Variants in MACROD2 observed in about 807,000 individuals in gnomAD.
MACROD2 encodes ADP-ribose glycohydrolase MACROD2.
Under a neutral mutation model 70.4 loss-of-function variants are expected in MACROD2, and 36 were observed. The ratio of observed to expected loss-of-function variants is 0.51; its 90% confidence interval spans 0.39 to 0.68. MACROD2 has a LOEUF of 0.68. Ranked by LOEUF, MACROD2 falls within the 30% of genes least tolerant of loss-of-function variation. The probability of loss-of-function intolerance (pLI) is 0.00; values close to 1 mark genes in which losing one functional copy is unlikely to be tolerated. For missense variants in MACROD2, 496 were observed against 538.4 expected (o/e 0.92, Z 0.78); for synonymous variants, 172 against 178.8 (o/e 0.96, Z 0.30).
chr20:14,319,854 C>G (rs2082643519), intron 3 of MACROD2, among the ~76,000 whole-genome samples: 1 of 152,076 alleles, frequency 6.6e-6, no homozygotes. Context: ...TCCTTTGGCA[C>G]CTCTTTTCTC....
intron 4 of MACROD2, among the ~76,000 whole-genome samples, chr20:14,563,801 T>C (rs77245240): frequency 2.6e-5 from 4 of 151,950 alleles, no homozygotes; most frequent in African/African-American, 4.8e-5. Flanking sequence ...AGCTATGCAA[T>C]CCTATCAAAT....
At chr20:14,717,543 T>G (rs969923312) in intron 5 of MACROD2, among the ~76,000 whole-genome samples, 6 of 152,054 alleles carry the variant, frequency 3.9e-5, no homozygotes, top group African/African-American at 1.4e-4. Flanking sequence ...AGTTTTTTTT[T>G]TTTTTGGCTA....
chr20:15,065,861 A>G (rs1341060805), intron 5 of MACROD2, among the ~76,000 whole-genome samples: 1 of 152,156 alleles, frequency 6.6e-6, no homozygotes, highest in African/African-American at 2.4e-5. Flanking sequence ...CTTTTATATT[A>G]ATCAACTGTT....
chr20:14,637,182 C>T (rs545355045), intron 4 of MACROD2, among the ~76,000 whole-genome samples: 4 of 152,272 alleles, frequency 2.6e-5, no homozygotes, highest in Admixed American at 2.0e-4. Context: ...AACACTTTTG[C>T]AGCTGCCGTT....
chr20:15,874,050 G>T (rs539533797), intron 9 of MACROD2, among the ~76,000 whole-genome samples: 1 of 150,830 alleles, frequency 6.6e-6, no homozygotes, highest in African/African-American at 2.4e-5. Context: ...TTCTCCTAAC[G>T]CTATCCCTCC....
intron 4 of MACROD2, among the ~76,000 whole-genome samples, chr20:14,620,715 C>G (rs1377112126): frequency 1.3e-5 from 2 of 151,930 alleles, no homozygotes; most frequent in Non-Finnish European, 2.9e-5. Flanking sequence ...TTCTTTTCTG[C>G]TAGACAGAAA....
intron 7 of MACROD2, among the ~76,000 whole-genome samples, chr20:15,473,978 A>G (rs1014047459): frequency 6.6e-6 from 1 of 152,212 alleles, no homozygotes; most frequent in African/African-American, 2.4e-5. Flanking sequence ...CTAGATTTGA[A>G]TCCTGGCTCA....
intron 3 of MACROD2, among the ~76,000 whole-genome samples, chr20:14,422,578 T>A (rs1040173585): frequency 3.3e-5 from 5 of 152,302 alleles, no homozygotes; most frequent in Middle Eastern, 3.4e-3. Context: ...ATTCTACAGG[T>A]ATTTTTTTTG....
At chr20:16,038,271 CAGT>C (rs1462088764) in intron 15 of MACROD2, among the ~76,000 whole-genome samples, 5 of 151,716 alleles carry the variant, frequency 3.3e-5, no homozygotes, top group African/African-American at 1.2e-4. Flanking sequence ...AGTCTTGAAA[CAGT>C]GGTTTGAGAT....
chr20:14,180,471 A>T (rs1171775087), intron 3 of MACROD2, among the ~76,000 whole-genome samples: 5 of 152,116 alleles, frequency 3.3e-5, no homozygotes, highest in Non-Finnish European at 7.4e-5. Flanking sequence ...TATAATAAAG[A>T]GTATAATTGC....
At chr20:15,071,384 T>G (rs1255030485) in intron 5 of MACROD2, among the ~76,000 whole-genome samples, 1 of 152,206 alleles carries the variant, frequency 6.6e-6, no homozygotes, top group Admixed American at 6.5e-5. Flanking sequence ...GTTGCTCTCA[T>G]CTGTGATTTC....
intron 4 of MACROD2, among the ~76,000 whole-genome samples, chr20:14,668,851 A>C (rs371359404): frequency 6.6e-5 from 10 of 152,224 alleles, no homozygotes; most frequent in African/African-American, 2.4e-4. Context: ...TTTTTTTTAA[A>C]CAAAAAGGAG....
chr20:14,352,435 A>G (rs1316647821), intron 3 of MACROD2: 1 of 152,198 alleles, frequency 6.6e-6, no homozygotes, highest in African/African-American at 2.4e-5. Flanking sequence ...AAAAAGAAAA[A>G]AATACTCCTA....
intron 10 of MACROD2, among the ~76,000 whole-genome samples, chr20:15,904,998 C>A (rs977095232): frequency 6.6e-6 from 1 of 151,980 alleles, no homozygotes; most frequent in Non-Finnish European, 1.5e-5. Context: ...GAATCAGATC[C>A]CTGAATTCTA....
chr20:14,664,111 C>T (rs1040326263), intron 4 of MACROD2, among the ~76,000 whole-genome samples: 7 of 151,978 alleles, frequency 4.6e-5, no homozygotes, highest in African/African-American at 1.7e-4. Flanking sequence ...TTTTCCATTA[C>T]TAATGGTAAG....
intron 7 of MACROD2, among the ~76,000 whole-genome samples, chr20:15,447,745 T>C (rs779513921): frequency 6.6e-6 from 1 of 152,164 alleles, no homozygotes; most frequent in Non-Finnish European, 1.5e-5. Flanking sequence ...ATGCTATGTT[T>C]GCTTAGGACA....
At chr20:15,406,994 G>A (rs898481934) in intron 6 of MACROD2, among the ~76,000 whole-genome samples, 3 of 152,154 alleles carry the variant, frequency 2.0e-5, no homozygotes, top group African/African-American at 4.8e-5. Context: ...CTGAGCCTAC[G>A]CAGTGATCAA....
intron 5 of MACROD2, among the ~76,000 whole-genome samples, chr20:14,838,000 AC>A (rs2073048743): frequency 6.6e-6 from 1 of 152,016 alleles, no homozygotes; most frequent in Non-Finnish European, 1.5e-5. Flanking sequence ...AAAAGAACAA[AC>A]TGAAAAAGTG....
intron 3 of MACROD2, among the ~76,000 whole-genome samples, chr20:14,121,180 T>C (rs2148692386): frequency 6.6e-6 from 1 of 152,254 alleles, no homozygotes; most frequent in South Asian, 2.1e-4. Flanking sequence ...CAGGGGTGCA[T>C]AGTCATTGTG....
Sources: allele counts gnomAD v4.1 joint callset (sites outside exome capture counted in the v4.1 genomes callset), GRCh38; gene constraint gnomAD v4.1.1; transcripts MANE v1.5; gene names NCBI Gene and HGNC (gene_info 2026-07-23, HGNC 2026-07-21).